ACTN1: variants seen among roughly 807,000 people sequenced by gnomAD.
ACTN1 encodes the protein alpha-actinin-1.
ACTN1 carries 30 observed loss-of-function variants against 119.6 expected under a neutral mutation model. The ratio of observed to expected loss-of-function variants is 0.25; its 90% CI spans 0.19 to 0.34. ACTN1 has a LOEUF of 0.34. ACTN1 is among the 10% of genes least tolerant of loss of function. The pLI is 1.00. For missense variants in ACTN1, 764 were observed against 1,223.4 expected (o/e 0.62, Z 5.60); for synonymous variants, 429 against 472.6 (o/e 0.91, Z 1.20).
intron 1 of ACTN1, chr14:68,977,904 G>A (rs1033741787): frequency 2.4e-5 from 11 of 455,160 alleles, no homozygotes; most frequent in South Asian, 1.4e-4. Context: ...GAGGGGGAGG[G>A]AAAGGGGTAT....
In ACTN1 at chr14:68,925,165, C is replaced by A. The variant is rs1338910592; in HGVS notation, c.220+393G>T. Among the ~76,000 whole-genome samples the A allele has an allele frequency of 1.3e-5, 2 of 152,102 alleles. No individual in the cohort carries two copies. The highest frequency in any genetic ancestry group is 4.8e-5 in the African/African-American group (2 of 41,420). Reference sequence around the variant, plus strand: ...AGAGCTGTCCCTCCAGACATCTGGACAAACCAGGGGCTGGGGAATGGCCTG... The same window carrying A: ...AGAGCTGTCCCTCCAGACATCTGGAAAAACCAGGGGCTGGGGAATGGCCTG... On this transcript the variant is annotated intron_variant, in intron 2 of 21. Coordinates refer to ENST00000394419, the MANE Select transcript of ACTN1 (RefSeq NM_001130004.2). The surrounding 1 kb of genome is among the most constrained non-coding windows in gnomAD (Gnocchi z 4.3).
At chr14:68,932,086 T>C (rs987756256) in intron 1 of ACTN1, among the ~76,000 whole-genome samples, 2 of 151,864 alleles carry the variant, frequency 1.3e-5, no homozygotes, top group Non-Finnish European at 2.9e-5. Context: ...GTCAACTTGA[T>C]TGAATTAAAG....
chr14:68,937,476 G>A lies in ACTN1; in HGVS notation c.106-11804C>T, dbSNP rs1026174015. On this transcript the variant is annotated intron_variant, in intron 1 of 21. Transcript: ENST00000394419. ...AGAATAAAATAAGATATAATATAGG[G>A]AAAAGGCTCTGAAGAACTTTAAAGT... Among the ~76,000 whole-genome samples, 60 of 152,066 alleles carry A rather than the reference G, an allele frequency of 3.9e-4. 1 individual carries two copies. Among genetic ancestry groups the A allele is most frequent in the Non-Finnish European group, 1.3e-4 (9 of 68,010 alleles).
chr14:68,897,555 C>T (rs186779592), intron 8 of ACTN1, among the ~76,000 whole-genome samples: 7 of 152,330 alleles, frequency 4.6e-5, no homozygotes, highest in Admixed American at 2.0e-4. Context: ...AACACCCAAA[C>T]GTGGCCAGAT....
At chr14:68,954,636 A>G (rs1177231178) in intron 1 of ACTN1, among the ~76,000 whole-genome samples, 1 of 152,138 alleles carries the variant, frequency 6.6e-6, no homozygotes, top group Admixed American at 6.6e-5. Context: ...CATACAGAGA[A>G]TATTTTTAAG....
At position 68,880,758 on chromosome 14, in the gene ACTN1, G is replaced by A. The variant is rs2031429008; in HGVS notation, c.2133+52C>T. On this transcript the variant is annotated intron_variant, in intron 17 of 21. Coordinates refer to ENST00000394419, the MANE Select transcript of ACTN1 (RefSeq NM_001130004.2). This position sits in a 1 kb window ranked among gnomAD's most constrained non-coding sequence, Gnocchi z 4.6. Reference sequence around the variant, plus strand: ...TGGAGACTTCCCCACCCAGGAGAAAGAGCAGAAGGGGCCACGGGCTCCCGA... The same window carrying A: ...TGGAGACTTCCCCACCCAGGAGAAAAAGCAGAAGGGGCCACGGGCTCCCGA... 3 of 1,586,700 alleles carry A rather than the reference G, an allele frequency of 1.9e-6. No individual in the cohort carries two copies. Among genetic ancestry groups the A allele is most frequent in the Admixed American group, 3.4e-5 (2 of 59,100 alleles).
intron 1 of ACTN1, among the ~76,000 whole-genome samples, chr14:68,945,089 C>T (rs1216178465): frequency 1.3e-5 from 2 of 150,900 alleles, no homozygotes; most frequent in Non-Finnish European, 2.9e-5. Context: ...TCGCTTGAAC[C>T]CAGGAGGCGG....
chr14:68,971,027 A>G (rs1178072198), intron 1 of ACTN1, among the ~76,000 whole-genome samples: 1 of 152,226 alleles, frequency 6.6e-6, no homozygotes, highest in Non-Finnish European at 1.5e-5. Context: ...ATGCGCCACA[A>G]TGAGTTGTTC....
intron 8 of ACTN1, among the ~76,000 whole-genome samples, chr14:68,901,207 G>GT (rs60666140): frequency 6.2e-4 from 85 of 136,160 alleles, no homozygotes; most frequent in African/African-American, 1.7e-3. Context: ...TTGTTTTATG[G>GT]TTTTTTTTTG....
At chr14:68,876,581 T>A (rs1196343784) in intron 21 of ACTN1, among the ~76,000 whole-genome samples, 1 of 152,132 alleles carries the variant, frequency 6.6e-6, no homozygotes, top group Non-Finnish European at 1.5e-5. Flanking sequence ...CCTGCATCCA[T>A]CCACTGCCAG....
intron 1 of ACTN1, among the ~76,000 whole-genome samples, chr14:68,952,977 T>C (rs1276280705): frequency 2.6e-5 from 4 of 152,108 alleles, no homozygotes; most frequent in Admixed American, 2.6e-4. Flanking sequence ...TGGAAAGGGT[T>C]TCCTGAGAGG....
At chr14:68,966,276 T>C (rs2036705004) in intron 1 of ACTN1, among the ~76,000 whole-genome samples, 1 of 152,126 alleles carries the variant, frequency 6.6e-6, no homozygotes, top group Non-Finnish European at 1.5e-5. Flanking sequence ...CTCTGCTGAG[T>C]GTCCAAGAGG....
intron 1 of ACTN1, among the ~76,000 whole-genome samples, chr14:68,961,862 C>T (rs1452649011): frequency 6.6e-6 from 1 of 152,146 alleles, no homozygotes; most frequent in Admixed American, 6.5e-5. Context: ...CCACTCCCCA[C>T]GGGAAGCATT....
intron 1 of ACTN1, among the ~76,000 whole-genome samples, chr14:68,942,551 A>C (rs1370754980): frequency 2.0e-5 from 3 of 152,184 alleles, no homozygotes; most frequent in Non-Finnish European, 2.9e-5. Context: ...CAGTCTTGGC[A>C]CTTGGAGGAG....
At chr14:68,914,870 TA>T (rs2034200680) in intron 3 of ACTN1, among the ~76,000 whole-genome samples, 2 of 152,178 alleles carry the variant, frequency 1.3e-5, no homozygotes, top group African/African-American at 4.8e-5. Context: ...TAAATTGGTT[TA>T]AAAAACAATA....
In ACTN1 at chr14:68,902,497, C is replaced by T. The variant is rs761658735; in HGVS notation, c.742G>A (p.Ala248Thr). 5 of 1,613,726 alleles carry T rather than the reference C, an allele frequency of 3.1e-6. No homozygotes were observed. The highest frequency in any genetic ancestry group is 2.2e-5 in the South Asian group (2 of 91,060). The stretch of plus-strand genomic sequence containing the variant: ...GGTACCTTCTGGGCTCCAGAGAAGG[C>T]GTGGTAGAAGCTAGACACGTAAGTC... Reference protein sequence around the residue: ...IMTYVSSFYHAFSGAQKAETA... With the variant: ...IMTYVSSFYHTFSGAQKAETA... The change falls in exon 8 of 22, where the codon GCC (alanine) becomes ACC (threonine). Residue 248 changes from alanine (A) to threonine (T), a missense_variant. Physicochemically the swap from Ala to Thr is moderately conservative, Grantham distance 58. Transcript: ENST00000394419.
rs1417426676 is a variant in ACTN1, at chr14:68,920,986, C to T, written c.340+20G>A. ...ACAAAGAAAATCAGGCTCCTTGGGG[C>T]CACCAGAGGTAGGCCTTACCTTCGG... On this transcript the variant is annotated intron_variant, in intron 3 of 21. Coordinates refer to ENST00000394419, the MANE Select transcript of ACTN1 (RefSeq NM_001130004.2). 3 of 1,612,688 alleles carry T rather than the reference C, an allele frequency of 1.9e-6. No individual in the cohort carries two copies. The highest frequency in any genetic ancestry group is 1.3e-5 in the African/African-American group (1 of 74,870).
chr14:68,876,948 G>A (rs1018791199), intron 21 of ACTN1, 134 bp downstream of exon 21: 15 of 1,041,714 alleles, frequency 1.4e-5, no homozygotes, highest in Non-Finnish European at 6.9e-6. Context: ...AGTAGAAGTG[G>A]CAAACAAGGA....
chr14:68,892,485 G>C (rs920294278), intron 9 of ACTN1, among the ~76,000 whole-genome samples: 3 of 152,194 alleles, frequency 2.0e-5, no homozygotes, highest in Non-Finnish European at 4.4e-5. Context: ...GCTTCGTGAA[G>C]CCTGGCTACT....
Sources: gnomAD v4.1 joint callset for allele counts (sites outside exome capture counted in the v4.1 genomes callset) on GRCh38, gnomAD v4.1.1 for gene constraint, Gnocchi (gnomAD v3.1) non-coding constraint, MANE v1.5 for transcripts, NCBI Gene and HGNC (gene_info 2026-07-23, HGNC 2026-07-21) for gene names.